GALNT17: variants seen among roughly 807,000 people sequenced by gnomAD.
GALNT17 encodes polypeptide N-acetylgalactosaminyltransferase 17.
A neutral mutation model predicts 63.7 loss-of-function variants in GALNT17; 29 were observed. The observed-to-expected ratio is 0.46, with a 90% CI of 0.34 to 0.62. The LOEUF is 0.62. Ranked by LOEUF, GALNT17 falls within the 20% of genes least tolerant of loss-of-function variation. The pLI, the probability that GALNT17 is intolerant of heterozygous loss-of-function variation, is 0.01. For synonymous variants in GALNT17, 305 were observed against 318.3 expected (o/e 0.96, Z 0.45); for missense variants, 603 against 799.6 (o/e 0.75, Z 2.97).
At chr7:71,673,451 T>C (rs1791101995) in intron 8 of GALNT17, among the ~76,000 whole-genome samples, 2 of 152,292 alleles carry the variant, frequency 1.3e-5, no homozygotes, top group African/African-American at 4.8e-5. Flanking sequence ...TATTTTAGAT[T>C]GGAAGCAAGT....
At chr7:71,316,502 T>C (rs764634555) in intron 1 of GALNT17, among the ~76,000 whole-genome samples, 1 of 152,166 alleles carries the variant, frequency 6.6e-6, no homozygotes, top group Non-Finnish European at 1.5e-5. Flanking sequence ...ATTTTGGCTT[T>C]GATTATTGTG....
rs896713453 is a variant in GALNT17, at chr7:71,390,141, G to A, written c.589+1740G>A. Among the ~76,000 whole-genome samples the A allele has an allele frequency of 3.3e-5, 5 of 152,306 alleles. No individual in the cohort carries two copies. The East Asian group carries it at 9.7e-4, about 29-fold the overall frequency. On this transcript the variant is annotated intron_variant, in intron 3 of 10. Coordinates refer to ENST00000333538, the MANE Select transcript of GALNT17 (RefSeq NM_022479.3). ...AAAGCTTATCTTCTCAGCAACTACAGGATTAGGAGTAGGCTAAACCCCTTC... is the reference window on the plus strand; with the variant it reads ...AAAGCTTATCTTCTCAGCAACTACAAGATTAGGAGTAGGCTAAACCCCTTC...
At chr7:71,693,309 C>CATATATATAT (rs369668179) in intron 9 of GALNT17, among the ~76,000 whole-genome samples, 13 of 124,188 alleles carry the variant, frequency 1.0e-4, no homozygotes, top group South Asian at 3.5e-4. Context: ...CACACACACA[C>CATATATATAT]ATATATATAT....
intron 1 of GALNT17, among the ~76,000 whole-genome samples, chr7:71,250,487 C>G (rs1288590263): frequency 6.6e-6 from 1 of 151,980 alleles, no homozygotes; most frequent in Non-Finnish European, 1.5e-5. Flanking sequence ...GGCTTTCGTG[C>G]CCTTTGCTGT....
intron 1 of GALNT17, among the ~76,000 whole-genome samples, chr7:71,142,476 A>C (rs997930291): frequency 2.0e-5 from 3 of 152,214 alleles, no homozygotes; most frequent in Non-Finnish European, 4.4e-5. Context: ...TGACAAACCC[A>C]ATTACAGAAC....
chr7:71,591,718 A>C (rs1389762798), intron 6 of GALNT17, among the ~76,000 whole-genome samples: 1 of 151,980 alleles, frequency 6.6e-6, no homozygotes, highest in Non-Finnish European at 1.5e-5. Flanking sequence ...GCTGGAGTGC[A>C]GTGGCGTGAT....
chr7:71,592,216 G>T (rs1015973976), intron 6 of GALNT17, among the ~76,000 whole-genome samples: 1 of 152,158 alleles, frequency 6.6e-6, no homozygotes, highest in African/African-American at 2.4e-5. Context: ...GAAGACCAGA[G>T]GAAAAATGAT....
chr7:71,279,943 A>G (rs550477435), intron 1 of GALNT17, among the ~76,000 whole-genome samples: 1 of 152,136 alleles, frequency 6.6e-6, no homozygotes, highest in South Asian at 2.1e-4. Flanking sequence ...GGCCCACTAA[A>G]TGATTTTTGT....
intron 1 of GALNT17, among the ~76,000 whole-genome samples, chr7:71,183,759 G>A (rs917344999): frequency 2.0e-5 from 3 of 152,228 alleles, no homozygotes; most frequent in African/African-American, 4.8e-5. Context: ...TTAGCTGGGC[G>A]TGATGGCGGG....
chr7:71,488,965 C>T (rs373656849), intron 5 of GALNT17, among the ~76,000 whole-genome samples: 2 of 122,400 alleles, frequency 1.6e-5, no homozygotes, highest in African/African-American at 3.2e-5. Flanking sequence ...AAGACCTTAG[C>T]TCACTGCAGT....
intron 5 of GALNT17, among the ~76,000 whole-genome samples, chr7:71,548,532 T>A (rs1584041810): frequency 6.6e-6 from 1 of 152,156 alleles, no homozygotes; most frequent in African/African-American, 2.4e-5. Flanking sequence ...TGCTGTTCTC[T>A]TGATAGTGAA....
chr7:71,227,174 CAAAAAAAAAAAAA>C (rs58450619), intron 1 of GALNT17, among the ~76,000 whole-genome samples: 2 of 60,816 alleles, frequency 3.3e-5, no homozygotes, highest in African/African-American at 1.1e-4. Flanking sequence ...ACCGTCTCTA[CAAAAAAAAAAAAA>C]AAAAAAAAAA....
intron 1 of GALNT17, among the ~76,000 whole-genome samples, chr7:71,305,818 G>A (rs960770690): frequency 6.6e-6 from 1 of 152,124 alleles, no homozygotes; most frequent in African/African-American, 2.4e-5. Flanking sequence ...CTCTTCCTCT[G>A]ACATCATCCA....
intron 5 of GALNT17, among the ~76,000 whole-genome samples, chr7:71,522,963 C>T (rs187803661): frequency 3.9e-5 from 6 of 152,174 alleles, no homozygotes; most frequent in African/African-American, 1.2e-4. Flanking sequence ...CCCAGGATGT[C>T]GGGAGGTGGA....
At chr7:71,147,938 G>A (rs1788055744) in intron 1 of GALNT17, among the ~76,000 whole-genome samples, 1 of 152,070 alleles carries the variant, frequency 6.6e-6, no homozygotes, top group Non-Finnish European at 1.5e-5. Flanking sequence ...CCTCTCCAAG[G>A]ACCATTTCAA....
At chr7:71,503,645 T>C (rs1460448130) in intron 5 of GALNT17, among the ~76,000 whole-genome samples, 1 of 152,218 alleles carries the variant, frequency 6.6e-6, no homozygotes, top group Non-Finnish European at 1.5e-5. Flanking sequence ...ATTTCAGTAC[T>C]GTATTCCTCT....
intron 1 of GALNT17, among the ~76,000 whole-genome samples, chr7:71,316,892 C>T (rs1791510545): frequency 6.6e-6 from 1 of 152,136 alleles, no homozygotes; most frequent in Non-Finnish European, 1.5e-5. Context: ...AGAGCTTTTC[C>T]CACCAAAAAC....
chr7:71,608,845 C>A (rs1716851524), intron 6 of GALNT17, among the ~76,000 whole-genome samples: 1 of 152,082 alleles, frequency 6.6e-6, no homozygotes, highest in South Asian at 2.1e-4. Flanking sequence ...CTGGTGCAAT[C>A]ATAGCTCACT....
intron 1 of GALNT17, among the ~76,000 whole-genome samples, chr7:71,215,552 C>T (rs889311606): frequency 3.3e-5 from 5 of 152,052 alleles, no homozygotes; most frequent in Non-Finnish European, 7.4e-5. Context: ...CCACAGACCC[C>T]ATCTGTCACC....
Sources: gnomAD v4.1 joint callset for allele counts (sites outside exome capture counted in the v4.1 genomes callset) on GRCh38, gnomAD v4.1.1 for gene constraint, MANE v1.5 for transcripts, NCBI Gene and HGNC (gene_info 2026-07-23, HGNC 2026-07-21) for gene names.